PTTG1IP2: variants seen among roughly 807,000 people sequenced by gnomAD.
The protein encoded by PTTG1IP2 is PTTG1IP family member 2.
intron 1 of PTTG1IP2, among the ~76,000 whole-genome samples, chr7:90,471,467 A>G (rs925694632): frequency 6.6e-6 from 1 of 152,230 alleles, no homozygotes; most frequent in Non-Finnish European, 1.5e-5. Context: ...ACTTGATGCA[A>G]CTTTGGGTTA....
chr7:90,491,869 G>A (rs1797942520), intron 4 of PTTG1IP2, among the ~76,000 whole-genome samples: 1 of 151,736 alleles, frequency 6.6e-6, no homozygotes, highest in South Asian at 2.1e-4. Flanking sequence ...AGTGGTTCAC[G>A]CCTATAATCC....
At chr7:90,510,300 A>G (rs1798172733) in intron 6 of PTTG1IP2, among the ~76,000 whole-genome samples, 1 of 152,228 alleles carries the variant, frequency 6.6e-6, no homozygotes, top group Non-Finnish European at 1.5e-5. Flanking sequence ...AGAAAAAACA[A>G]AAGAAAAAAA....
In PTTG1IP2 at chr7:90,471,983, A is replaced by C. The variant is rs912234082; in HGVS notation, c.145+2052A>C. On this transcript the variant is annotated intron_variant, in intron 1 of 6. Transcript: ENST00000509356. ...ACTGGAAAATGACAAACCTCAAAAG[A>C]GAGAGCAGAGTCAGATATTCTAACA... 3.3e-5 allele frequency among the ~76,000 whole-genome samples: 5 copies of C among 152,190 alleles called. No individual in the cohort carries two copies. In the South Asian group the frequency reaches 1.0e-3, roughly 31 times the overall value.
intron 1 of PTTG1IP2, among the ~76,000 whole-genome samples, chr7:90,474,717 A>G (rs1797727621): frequency 6.6e-6 from 1 of 152,232 alleles, no homozygotes; most frequent in South Asian, 2.1e-4. Context: ...ATCTGGCAGC[A>G]TGTCCCAGTC....
chr7:90,510,546 T>G (rs1433818273), intron 6 of PTTG1IP2, among the ~76,000 whole-genome samples: 1 of 152,232 alleles, frequency 6.6e-6, no homozygotes, highest in Admixed American at 6.5e-5. Flanking sequence ...TGTTTGCCTG[T>G]GTCTATGTGT....
intron 3 of PTTG1IP2, among the ~76,000 whole-genome samples, chr7:90,488,274 C>CCTT (rs1287732144): frequency 6.6e-6 from 1 of 151,836 alleles, no homozygotes; most frequent in African/African-American, 2.4e-5. Context: ...TTAAATCATG[C>CCTT]ATGTTTTTGC....
intron 6 of PTTG1IP2, among the ~76,000 whole-genome samples, 187 bp downstream of exon 6, chr7:90,494,617 G>A (rs1037165479): frequency 2.0e-5 from 3 of 152,208 alleles, no homozygotes; most frequent in African/African-American, 7.2e-5. Flanking sequence ...CACAGTAGCT[G>A]ATCTCTGTAA....
chr7:90,501,428 G>A (rs1273471688), intron 6 of PTTG1IP2, among the ~76,000 whole-genome samples: 1 of 152,184 alleles, frequency 6.6e-6, no homozygotes, highest in African/African-American at 2.4e-5. Context: ...CAGAACTTTT[G>A]GAAGCGAGGT....
intron 1 of PTTG1IP2, among the ~76,000 whole-genome samples, chr7:90,471,751 A>G (rs1437193284): frequency 6.6e-6 from 1 of 152,186 alleles, no homozygotes; most frequent in Non-Finnish European, 1.5e-5. Flanking sequence ...GGGGGTATCC[A>G]TTCTTTTTCT....
At chr7:90,478,828 A>ATTT (rs56214708) in intron 1 of PTTG1IP2, among the ~76,000 whole-genome samples, 2 of 145,616 alleles carry the variant, frequency 1.4e-5, no homozygotes, top group African/African-American at 2.5e-5. Flanking sequence ...TAGGGAATTA[A>ATTT]TTTTTTTTTT....
intron 1 of PTTG1IP2, among the ~76,000 whole-genome samples, chr7:90,472,301 CACACACACACACACACACA>C (rs1797699652): frequency 6.8e-6 from 1 of 146,788 alleles, no homozygotes; most frequent in African/African-American, 2.7e-5. Context: ...CACACACACA[CACACACACACACACACACA>C]CCCCAAATAA....
intron 6 of PTTG1IP2, among the ~76,000 whole-genome samples, chr7:90,497,495 C>T (rs1318028723): frequency 1.4e-5 from 2 of 141,802 alleles, no homozygotes; most frequent in Admixed American, 7.6e-5. Flanking sequence ...ACCCGGGAGG[C>T]GGAGCTTGCA....
chr7:90,492,037 A>G (rs1363608897), intron 4 of PTTG1IP2, among the ~76,000 whole-genome samples: 6 of 152,144 alleles, frequency 3.9e-5, no homozygotes. Context: ...TGGCTGAGGA[A>G]CAAGAATTGC....
chr7:90,495,145 C>G (rs1287493476), intron 6 of PTTG1IP2, among the ~76,000 whole-genome samples: 1 of 152,184 alleles, frequency 6.6e-6, no homozygotes, highest in Non-Finnish European at 1.5e-5. Flanking sequence ...CTAACTTAAT[C>G]TGTTTGTGCC....
intron 6 of PTTG1IP2, among the ~76,000 whole-genome samples, chr7:90,504,734 A>C (rs1798106044): frequency 6.6e-6 from 1 of 152,198 alleles, no homozygotes; most frequent in African/African-American, 2.4e-5. Flanking sequence ...ATATCAAATA[A>C]AACAGCTGAA....
intron 2 of PTTG1IP2, among the ~76,000 whole-genome samples, chr7:90,482,519 C>T (rs1314975883): frequency 6.7e-6 from 1 of 149,108 alleles, no homozygotes; most frequent in African/African-American, 2.5e-5. Flanking sequence ...CCCCCCCACA[C>T]AACTCATAAA....
chr7:90,491,614 C>T (rs76897371), intron 4 of PTTG1IP2, among the ~76,000 whole-genome samples: 28 of 149,844 alleles, frequency 1.9e-4, no homozygotes, highest in African/African-American at 6.9e-4. Flanking sequence ...CATAGCGAGA[C>T]TCCATCTAAG....
At chr7:90,494,081 G>GATTCATTAAGC (rs1451541868) in intron 5 of PTTG1IP2, 2 of 152,114 alleles carry the variant, frequency 1.3e-5, no homozygotes, top group Non-Finnish European at 2.9e-5. Context: ...TGGGATTAGG[G>GATTCATTAAGC]ATTCATTAAG....
At chr7:90,504,341 A>G (rs544360045) in intron 6 of PTTG1IP2, among the ~76,000 whole-genome samples, 3 of 152,158 alleles carry the variant, frequency 2.0e-5, no homozygotes, top group South Asian at 4.1e-4. Flanking sequence ...AGCACATCTA[A>G]TGGGACAGAG....
Sources: gnomAD v4.1 joint callset for allele counts (sites outside exome capture counted in the v4.1 genomes callset) on GRCh38, gnomAD v4.1.1 for gene constraint, MANE v1.5 for transcripts, NCBI Gene and HGNC (gene_info 2026-07-23, HGNC 2026-07-21) for gene names.